The following SCAF8 variants were observed in gnomAD, a reference collection of about 807,000 sequenced individuals.
The protein encoded by SCAF8 is SR-related CTD associated factor 8.
SCAF8 carries 23 observed loss-of-function variants against 140.5 expected under a neutral mutation model. The ratio of observed to expected loss-of-function variants is 0.16; its 90% CI spans 0.12 to 0.23. The LOEUF (loss-of-function observed/expected upper bound fraction) is 0.23, where lower values mean the gene tolerates loss of function less well. Ranked by LOEUF, SCAF8 falls within the 10% of genes least tolerant of loss-of-function variation. The probability of loss-of-function intolerance (pLI) is 1.00; values close to 1 mark genes in which losing one functional copy is unlikely to be tolerated. For synonymous variants in SCAF8, 575 were observed against 528.9 expected, an observed-to-expected ratio of 1.09 and a Z score of -1.20; for missense variants, 1,397 against 1,555.7, an observed-to-expected ratio of 0.90 and a Z score of 1.72.
At chr6:154,809,633 A>G (rs138941823) in intron 11 of SCAF8, among the ~76,000 whole-genome samples, 398 of 152,348 alleles carry the variant, frequency 2.6e-3, no homozygotes, top group African/African-American at 9.1e-3. Flanking sequence ...GTTGGAAACT[A>G]CTAAGCAGAA....
intron 17 of SCAF8, among the ~76,000 whole-genome samples, chr6:154,826,866 A>G (rs1373054065): frequency 2.6e-5 from 4 of 152,220 alleles, no homozygotes; most frequent in East Asian, 1.9e-4. Flanking sequence ...AATGGCATAT[A>G]TAAACAGTTT....
chr6:154,774,030 G>A lies in SCAF8; in HGVS notation c.72G>A (p.Ala24=), dbSNP rs769144717. 51 of 1,613,096 alleles carry A rather than the reference G, an allele frequency of 3.2e-5. No individual in the cohort carries two copies. Among genetic ancestry groups the A allele is most frequent in the Non-Finnish European group, 3.9e-5 (46 of 1,179,350 alleles). The change falls in exon 2 of 20, where the codon GCG becomes GCA. Residue 24 remains alanine, a synonymous_variant. Transcript: ENST00000367178. Reference sequence around the variant, plus strand: ...ACTATAAACCACCCATTTCGAAAGCGAAAATGACCCAAATTACTAAGGCAG... The same window carrying A: ...ACTATAAACCACCCATTTCGAAAGCAAAAATGACCCAAATTACTAAGGCAG... ...LNDYKPPISK[A]KMTQITKAAI...
chr6:154,760,861 G>A (rs916474853), intron 1 of SCAF8, among the ~76,000 whole-genome samples: 5 of 152,154 alleles, frequency 3.3e-5, no homozygotes, highest in Non-Finnish European at 7.3e-5. Context: ...AAGGCTCACT[G>A]CATCCTTGGA....
At chr6:154,770,753 G>T (rs1285286095) in intron 1 of SCAF8, among the ~76,000 whole-genome samples, 1 of 152,078 alleles carries the variant, frequency 6.6e-6, no homozygotes, top group African/African-American at 2.4e-5. Flanking sequence ...GGTTTTTGTT[G>T]TTGTTGTTTT....
chr6:154,738,819 T>G (rs1778494883), intron 1 of SCAF8, among the ~76,000 whole-genome samples: 1 of 152,248 alleles, frequency 6.6e-6, no homozygotes, highest in Non-Finnish European at 1.5e-5. Flanking sequence ...GAGCTGCATA[T>G]CTATACTCTG....
chr6:154,763,546 A>G (rs1325562391), intron 1 of SCAF8, among the ~76,000 whole-genome samples: 1 of 152,208 alleles, frequency 6.6e-6, no homozygotes, highest in African/African-American at 2.4e-5. Context: ...TTAAGGTCAT[A>G]GTAGAATTCA....
intron 1 of SCAF8, among the ~76,000 whole-genome samples, chr6:154,740,625 C>CTTTTTTTTTTTTT (rs66980794): frequency 1.4e-5 from 2 of 138,524 alleles, no homozygotes; most frequent in African/African-American, 2.7e-5. Context: ...TTTTCTTTTT[C>CTTTTTTTTTTTTT]TTTTTTTTTT....
In SCAF8 at chr6:154,744,768, C is replaced by G. The variant is rs4869833; in HGVS notation, c.30+10838C>G. Among the ~76,000 whole-genome samples the G allele has an allele frequency of 6.2e-3, 943 of 152,108 alleles. 13 individuals are homozygous for G. The highest frequency in any genetic ancestry group is 0.022 in the African/African-American group (904 of 41,524). ...TTCCTCATTCTTTTTATAACTTCAC[C>G]TTCATAGAAAAATAGTAAGAATGAT... On this transcript the variant is annotated intron_variant, in intron 1 of 19. Coordinates refer to ENST00000367178, the MANE Select transcript of SCAF8 (RefSeq NM_014892.5).
At chr6:154,792,567 G>A (rs1236431965) in intron 4 of SCAF8, among the ~76,000 whole-genome samples, 1 of 152,156 alleles carries the variant, frequency 6.6e-6, no homozygotes, top group African/African-American at 2.4e-5. Context: ...AAGAGAGGAA[G>A]CCTGGATGTC....
rs1778802607 is a variant in SCAF8, at chr6:154,833,169, A to G, written c.3590A>G (p.Asp1197Gly). ...CCCCCTCCTCATGCTCGGGTTTTTG[A>G]TTATTTTGAAGGGGCCACTTCTCAA... ...WVPPPHARVF[D>G]YFEGATSQRK... Residue 1197 changes from aspartate to glycine, a missense_variant, in exon 20 of 20, where the codon GAT becomes GGT. Around this residue, in one of 5 missense-constraint regions of SCAF8, gnomAD observed 930 missense variants for 874.6 expected, o/e 1.06. Transcript: ENST00000367178. 1 of 1,613,898 alleles carries G rather than the reference A, an allele frequency of 6.2e-7. No homozygotes were observed. Among genetic ancestry groups the G allele is most frequent in the South Asian group, 1.1e-5 (1 of 91,076 alleles).
At chr6:154,760,270 G>T (rs1779069218) in intron 1 of SCAF8, among the ~76,000 whole-genome samples, 1 of 152,068 alleles carries the variant, frequency 6.6e-6, no homozygotes, top group African/African-American at 2.4e-5. Flanking sequence ...CTCCAACCTG[G>T]GCAACAGAGC....
At chr6:154,747,294 G>C (rs536592969) in intron 1 of SCAF8, among the ~76,000 whole-genome samples, 1 of 152,230 alleles carries the variant, frequency 6.6e-6, no homozygotes, top group South Asian at 2.1e-4. Flanking sequence ...CGGGCTGATT[G>C]CTTGAGATCA....
At chr6:154,815,907 T>C (rs1490313635) in intron 13 of SCAF8, 91 bp downstream of exon 13, 1 of 672,022 alleles carries the variant, frequency 1.5e-6, no homozygotes, top group Non-Finnish European at 2.7e-6. Context: ...AGCCCAGTAA[T>C]GTCTGCCTTA....
chr6:154,797,060 C>CT (rs754541759), intron 6 of SCAF8, among the ~76,000 whole-genome samples: 1 of 151,220 alleles, frequency 6.6e-6, no homozygotes, highest in African/African-American at 2.4e-5. Context: ...TTTTTCAATT[C>CT]TTTTTTGGTT....
At chr6:154,807,347 T>G (rs1371284271) in intron 9 of SCAF8, among the ~76,000 whole-genome samples, 1 of 152,230 alleles carries the variant, frequency 6.6e-6, no homozygotes, top group Non-Finnish European at 1.5e-5. Context: ...AAAACCTCAT[T>G]GTTCAAAAAT....
At chr6:154,809,857 A>G (rs6923723) in intron 11 of SCAF8, among the ~76,000 whole-genome samples, 158 bp from the exon 12 acceptor site, 2 of 152,198 alleles carry the variant, frequency 1.3e-5, no homozygotes, top group African/African-American at 4.8e-5. Flanking sequence ...TTTAAGTAAA[A>G]TGCATTTTTG....
intron 5 of SCAF8, among the ~76,000 whole-genome samples, chr6:154,794,300 C>T (rs1490061697): frequency 1.3e-5 from 2 of 151,946 alleles, no homozygotes; most frequent in Admixed American, 1.3e-4. Flanking sequence ...TGAATATTTC[C>T]TCATGTTACT....
Position 154,832,122 on chromosome 6 carries a change from T to C in SCAF8, c.2543T>C (p.Ile848Thr), listed in dbSNP as rs1215412042. 1.9e-6 allele frequency: 3 copies of C among 1,614,102 alleles called. No homozygotes were observed. Among genetic ancestry groups the C allele is most frequent in the Non-Finnish European group, 2.5e-6 (3 of 1,180,002 alleles). Residue 848 changes from isoleucine (I) to threonine (T), a missense_variant, in exon 20 of 20, where the codon ATT becomes ACT. Around this residue, in one of 5 missense-constraint regions of SCAF8, gnomAD observed 930 missense variants for 874.6 expected, o/e 1.06. Transcript: ENST00000367178. ...SGIIAAQPPN[I>T]LNNSGILGIQ... is the part of the protein sequence containing the mutation. ...ATTATTGCAGCCCAACCACCAAATA[T>C]TCTAAATAACTCTGGAATATTGGGA...
In SCAF8 at chr6:154,832,797, G is replaced by T. The variant is rs1327962071; in HGVS notation, c.3218G>T (p.Arg1073Met). 1 of 1,613,932 alleles carries T rather than the reference G, an allele frequency of 6.2e-7. No individual in the cohort carries two copies. The highest frequency in any genetic ancestry group is 1.7e-5 in the Admixed American group (1 of 59,996). The change falls in exon 20 of 20, where the codon AGG becomes ATG. Residue 1073 changes from arginine to methionine, a missense_variant. Arg to Met is a moderately conservative substitution (Grantham distance 91). This residue lies in a region of SCAF8 where 930 missense variants were observed against 874.6 expected (regional missense o/e 1.06). Transcript: ENST00000367178. ...GTAGATATAAGAGAGAATCTTGTGA[G>T]GCCAGGTATAGATCATCTTGGTCGA... The part of the protein sequence containing the change: ...PPVDIRENLV[R>M]PGIDHLGRRD...
Sources: gnomAD v4.1 joint callset for allele counts (sites outside exome capture counted in the v4.1 genomes callset) on GRCh38, gnomAD v4.1.1 for gene constraint, gnomAD v4.1.1 regional missense constraint, MANE v1.5 for transcripts, NCBI Gene and HGNC (gene_info 2026-07-23, HGNC 2026-07-21) for gene names.